Variants in MOBP observed in about 807,000 individuals in gnomAD.
The protein encoded by MOBP is myelin-associated oligodendrocyte basic protein.
A neutral mutation model predicts 15.0 loss-of-function variants in MOBP; 5 were observed. The observed-to-expected ratio is 0.33, with a 90% confidence interval of 0.17 to 0.70. MOBP has a LOEUF of 0.70. Among genes scored for constraint, MOBP ranks in the 30% least tolerant of loss-of-function variants. The probability of loss-of-function intolerance (pLI) is 0.67; values close to 1 mark genes in which losing one functional copy is unlikely to be tolerated. For synonymous variants in MOBP, 88 were observed against 99.0 expected, an observed-to-expected ratio of 0.89 and a Z score of 0.66; for missense variants, 188 against 257.8, an observed-to-expected ratio of 0.73 and a Z score of 1.85.
downstream of MOBP, among the ~76,000 whole-genome samples, chr3:39,517,428 C>T (rs1246664749): frequency 6.6e-6 from 1 of 152,000 alleles, no homozygotes; most frequent in Non-Finnish European, 1.5e-5. Context: ...CTTGGAGATC[C>T]CACTGTATGA....
downstream of MOBP, among the ~76,000 whole-genome samples, chr3:39,516,160 T>A (rs1413115471): frequency 6.6e-6 from 1 of 152,116 alleles, no homozygotes; most frequent in African/African-American, 2.4e-5. Flanking sequence ...GGAACAGAAA[T>A]TTGCAATTGT....
downstream of MOBP, among the ~76,000 whole-genome samples, chr3:39,518,624 C>T (rs2043229712): frequency 6.6e-6 from 1 of 152,170 alleles, no homozygotes; most frequent in Admixed American, 6.5e-5. Flanking sequence ...TTCCCTGGCT[C>T]AGGTGGTGGC....
At chr3:39,481,235 C>T (rs1365162343) in intron 2 of MOBP, among the ~76,000 whole-genome samples, 1 of 152,214 alleles carries the variant, frequency 6.6e-6, no homozygotes, top group Non-Finnish European at 1.5e-5. Context: ...TTCAACTAGA[C>T]TCCCAAAACT....
downstream of MOBP, among the ~76,000 whole-genome samples, chr3:39,503,911 G>T (rs1361737283): frequency 6.6e-6 from 1 of 152,118 alleles, no homozygotes; most frequent in Non-Finnish European, 1.5e-5. Context: ...CCTAGAAAAT[G>T]TGATTTTTGG....
At chr3:39,475,952 A>G (rs73066233) in intron 1 of MOBP, among the ~76,000 whole-genome samples, 14,286 of 152,232 alleles carry the variant, frequency 0.094, 1,153 homozygotes, top group African/African-American at 0.21. Flanking sequence ...TTACGTTGCT[A>G]TAAAGAAATA....
intron 2 of MOBP, among the ~76,000 whole-genome samples, chr3:39,497,515 T>C (rs1008275651): frequency 3.9e-5 from 6 of 152,236 alleles, no homozygotes; most frequent in African/African-American, 1.4e-4. Flanking sequence ...CAAAACAGTG[T>C]TGGACCTGTC....
chr3:39,509,345 C>CTT (rs1324413078), intron 4 of MOBP, among the ~76,000 whole-genome samples: 1 of 152,094 alleles, frequency 6.6e-6, no homozygotes, highest in African/African-American at 2.4e-5. Flanking sequence ...TCATTCCTAC[C>CTT]AGTAACCTGG....
intron 2 of MOBP, among the ~76,000 whole-genome samples, chr3:39,498,443 C>T (rs557818351): frequency 4.6e-5 from 7 of 152,150 alleles, no homozygotes; most frequent in South Asian, 2.1e-4. Flanking sequence ...CTCCGCCTCC[C>T]GGGTTCCAGC....
At chr3:39,499,056 G>A (rs1166683564) in intron 2 of MOBP, among the ~76,000 whole-genome samples, 2 of 152,148 alleles carry the variant, frequency 1.3e-5, no homozygotes, top group Non-Finnish European at 2.9e-5. Context: ...ACGGGTGCCT[G>A]AGCCGTTTGG....
At chr3:39,469,412 T>C (rs188167277) in intron 1 of MOBP, among the ~76,000 whole-genome samples, 2 of 151,000 alleles carry the variant, frequency 1.3e-5, no homozygotes, top group African/African-American at 2.5e-5. Context: ...TTGGAATTAA[T>C]TAAAATTTAT....
intron 2 of MOBP, among the ~76,000 whole-genome samples, chr3:39,494,132 T>C (rs1186055479): frequency 6.6e-6 from 1 of 152,242 alleles, no homozygotes; most frequent in East Asian, 1.9e-4. Flanking sequence ...TTAGGCAGTC[T>C]ACTAGTCCTA....
chr3:39,502,430 G>T lies in MOBP; in HGVS notation c.207-105G>T. 1.3e-6 allele frequency: 2 copies of T among 1,523,100 alleles called. No homozygotes were observed. The highest frequency in any genetic ancestry group is 1.2e-5 in the South Asian group (1 of 81,006). 94.3% of individuals were successfully genotyped at this position (1,523,100 alleles called of 1,614,324 possible). ...GCACTCCAGGGAGACTGGAAGGTGG[G>T]TGGGGGAGCAGGGCCTTCCTACCTG... is the stretch of plus-strand genomic sequence containing the variant. On this transcript the variant is annotated intron_variant, in intron 3 of 3. Transcript: ENST00000684792. The surrounding 1 kb of genome is among the most constrained non-coding windows in gnomAD (Gnocchi z 6.3).
At chr3:39,476,869 G>C (rs1227837221) in intron 1 of MOBP, among the ~76,000 whole-genome samples, 1 of 150,830 alleles carries the variant, frequency 6.6e-6, no homozygotes, top group Non-Finnish European at 1.5e-5. Flanking sequence ...ATAATCTCTG[G>C]GTCTGCTTCC....
intron 3 of MOBP, among the ~76,000 whole-genome samples, chr3:39,523,337 A>AT (rs917313219): frequency 6.6e-6 from 1 of 152,070 alleles, no homozygotes; most frequent in South Asian, 2.1e-4. Flanking sequence ...ACATATCTTG[A>AT]TTTTTTCTTT....
At chr3:39,478,592 T>C (rs1320187227) in intron 1 of MOBP, among the ~76,000 whole-genome samples, 3 of 152,146 alleles carry the variant, frequency 2.0e-5, no homozygotes, top group Admixed American at 6.5e-5. Flanking sequence ...CTGTCTCTCC[T>C]TGGACTCTTT....
chr3:39,492,098 C>A (rs1575300455), intron 2 of MOBP, among the ~76,000 whole-genome samples: 1 of 152,186 alleles, frequency 6.6e-6, no homozygotes, highest in African/African-American at 2.4e-5. Flanking sequence ...ACTCGTAATG[C>A]ATGGGAACCA....
chr3:39,468,080 C>CTT (rs534355934), intron 1 of MOBP, among the ~76,000 whole-genome samples: 16 of 132,868 alleles, frequency 1.2e-4, no homozygotes, highest in African/African-American at 4.8e-4. Flanking sequence ...GCTGCTGCTG[C>CTT]TTTTTTTTTT....
At chr3:39,500,482 T>C (rs1184732185) in intron 2 of MOBP, among the ~76,000 whole-genome samples, 1 of 151,980 alleles carries the variant, frequency 6.6e-6, no homozygotes, top group Non-Finnish European at 1.5e-5. Context: ...GAGGAGGAGA[T>C]CTAGGAGAAT....
At chr3:39,503,659 T>TTTATTATTTAC (rs1553619058), downstream of MOBP, among the ~76,000 whole-genome samples, 2 of 4,054 alleles carry the variant, frequency 4.9e-4, no homozygotes, top group African/African-American at 8.0e-4. Context: ...TGGCCAATTT[T>TTTATTATTTAC]TTATTTATTT....
Sources: allele counts gnomAD v4.1 joint callset (sites outside exome capture counted in the v4.1 genomes callset), GRCh38; gene constraint gnomAD v4.1.1; non-coding constraint Gnocchi (gnomAD v3.1); transcripts MANE v1.5; gene names NCBI Gene and HGNC (gene_info 2026-07-23, HGNC 2026-07-21).